MGMT: variants seen among roughly 807,000 people sequenced by gnomAD.
The protein encoded by MGMT is methylated-DNA--protein-cysteine methyltransferase.
A neutral mutation model predicts 15.9 loss-of-function variants in MGMT; 14 were observed. The ratio of observed to expected loss-of-function variants is 0.88; its 90% CI spans 0.58 to 1.37. The LOEUF is 1.37. Ranked by LOEUF, MGMT falls within the 40% of genes most tolerant of loss-of-function variation. The probability of loss-of-function intolerance (pLI) is 0.00; values close to 1 mark genes in which losing one functional copy is unlikely to be tolerated. For missense variants in MGMT, 282 were observed against 268.1 expected (o/e 1.05, Z -0.36); for synonymous variants, 130 against 118.2 (o/e 1.10, Z -0.65).
At chr10:129,643,866 A>G (rs1378291644) in intron 2 of MGMT, among the ~76,000 whole-genome samples, 2 of 152,100 alleles carry the variant, frequency 1.3e-5, no homozygotes, top group Non-Finnish European at 2.9e-5. Flanking sequence ...TGAAACCCAA[A>G]TCTTGACCTT....
chr10:129,470,201 G>A (rs939238536), intron 1 of MGMT, among the ~76,000 whole-genome samples: 3 of 152,154 alleles, frequency 2.0e-5, no homozygotes, highest in African/African-American at 7.2e-5. Flanking sequence ...CTGTGCAGGA[G>A]GGTCCTTGGT....
chr10:129,700,969 C>T (rs1361376898), intron 2 of MGMT: 1 of 152,262 alleles, frequency 6.6e-6, no homozygotes, highest in Non-Finnish European at 1.5e-5. Context: ...GTCTGCTGCT[C>T]TGCCCTTCAG....
intron 2 of MGMT, among the ~76,000 whole-genome samples, chr10:129,606,447 C>G (rs919856190): frequency 1.3e-5 from 2 of 152,328 alleles, no homozygotes; most frequent in South Asian, 4.1e-4. Flanking sequence ...GGGAGCAAAG[C>G]GTGCAGCGGG....
At chr10:129,703,481 A>G (rs182166249) in intron 2 of MGMT, among the ~76,000 whole-genome samples, 36 of 152,250 alleles carry the variant, frequency 2.4e-4, no homozygotes, top group African/African-American at 8.7e-4. Context: ...CCTCTCCCAC[A>G]GTGTACCCTC....
intron 3 of MGMT, among the ~76,000 whole-genome samples, chr10:129,716,931 C>G (rs547964511): frequency 3.3e-5 from 5 of 152,284 alleles, no homozygotes; most frequent in African/African-American, 1.2e-4. Context: ...TAATATTCAA[C>G]TGAGCATATT....
intron 2 of MGMT, among the ~76,000 whole-genome samples, chr10:129,706,384 T>G (rs1358964463): frequency 6.6e-6 from 1 of 152,132 alleles, no homozygotes; most frequent in East Asian, 1.9e-4. Flanking sequence ...CAGAGCAGCA[T>G]GGGTGTGTCG....
intron 2 of MGMT, among the ~76,000 whole-genome samples, chr10:129,667,397 G>C (rs1273343870): frequency 1.3e-5 from 2 of 152,050 alleles, no homozygotes; most frequent in African/African-American, 4.8e-5. Flanking sequence ...CTTTATTGCA[G>C]GCTCCTTTAA....
intron 3 of MGMT, among the ~76,000 whole-genome samples, chr10:129,739,680 C>T (rs765815364): frequency 6.6e-6 from 1 of 152,144 alleles, no homozygotes; most frequent in Non-Finnish European, 1.5e-5. Flanking sequence ...CCAAGCTTGT[C>T]CAATCCTCAG....
At chr10:129,467,718 A>C (rs1170845705) in intron 1 of MGMT, among the ~76,000 whole-genome samples, 1 of 152,166 alleles carries the variant, frequency 6.6e-6, no homozygotes, top group Admixed American at 6.5e-5. Flanking sequence ...GCAGAGTCCC[A>C]TATTTCCTTC....
intron 2 of MGMT, among the ~76,000 whole-genome samples, chr10:129,573,239 T>C (rs1004863413): frequency 1.3e-5 from 2 of 152,216 alleles, no homozygotes. Flanking sequence ...ATTTTGATTT[T>C]GCCCAGGGAA....
At chr10:129,492,452 T>C (rs1845478497) in intron 1 of MGMT, among the ~76,000 whole-genome samples, 1 of 152,222 alleles carries the variant, frequency 6.6e-6, no homozygotes, top group African/African-American at 2.4e-5. Flanking sequence ...TAAGTGCTAT[T>C]AGATTAAGGG....
chr10:129,626,051 T>C (rs1847144972), intron 2 of MGMT, among the ~76,000 whole-genome samples: 1 of 152,226 alleles, frequency 6.6e-6, no homozygotes, highest in Non-Finnish European at 1.5e-5. Flanking sequence ...TAGGGGAACC[T>C]GAGGCTGCCT....
chr10:129,621,641 G>T (rs1847091984), intron 2 of MGMT, among the ~76,000 whole-genome samples: 1 of 152,194 alleles, frequency 6.6e-6, no homozygotes, highest in Non-Finnish European at 1.5e-5. Flanking sequence ...AGGAGCGGAG[G>T]TGTTAAGAAG....
At chr10:129,622,185 A>T (rs1465530778) in intron 2 of MGMT, among the ~76,000 whole-genome samples, 1 of 152,206 alleles carries the variant, frequency 6.6e-6, no homozygotes, top group East Asian at 1.9e-4. Context: ...TCTCAAGGAT[A>T]AGATGCTGAT....
intron 1 of MGMT, among the ~76,000 whole-genome samples, chr10:129,494,692 G>A (rs991493963): frequency 6.6e-6 from 1 of 152,174 alleles, no homozygotes. Context: ...ATTTAAATAA[G>A]TAGCCACATG....
At chr10:129,643,234 G>A (rs1589910799) in intron 2 of MGMT, among the ~76,000 whole-genome samples, 1 of 152,194 alleles carries the variant, frequency 6.6e-6, no homozygotes, top group Non-Finnish European at 1.5e-5. Flanking sequence ...AGGCTGTGGG[G>A]TGGGAGGAGG....
chr10:129,539,646 A>G (rs1171468324), intron 2 of MGMT, among the ~76,000 whole-genome samples: 1 of 152,064 alleles, frequency 6.6e-6, no homozygotes, highest in Admixed American at 6.6e-5. Context: ...AGCTGAGACT[A>G]CAGGCGCCTG....
At chr10:129,507,750 C>T (rs142643821) in intron 1 of MGMT, among the ~76,000 whole-genome samples, 35 of 152,306 alleles carry the variant, frequency 2.3e-4, no homozygotes, top group East Asian at 5.8e-4. Context: ...TATTTCTTCG[C>T]GCACTGCTGT....
In MGMT at chr10:129,532,254, C is replaced by G. The variant is rs1318771091; in HGVS notation, c.-12-3987C>G. Among the ~76,000 whole-genome samples, 1 of 152,198 alleles carries G rather than the reference C, an allele frequency of 6.6e-6. No individual in the cohort carries two copies. Among genetic ancestry groups the G allele is most frequent in the African/African-American group, 2.4e-5 (1 of 41,468 alleles). ...CGGGGATATGCCAGAGCTTTAGGGT[C>G]CCTTGGGCCAGCAGCTGGGGTCCTT... On this transcript the variant is annotated intron_variant, in intron 1 of 4. Transcript: ENST00000651593. This position sits in a 1 kb window ranked among gnomAD's most constrained non-coding sequence, Gnocchi z 5.3.
Sources: allele counts gnomAD v4.1 joint callset (sites outside exome capture counted in the v4.1 genomes callset), GRCh38; gene constraint gnomAD v4.1.1; non-coding constraint Gnocchi (gnomAD v3.1); transcripts MANE v1.5; gene names NCBI Gene and HGNC (gene_info 2026-07-23, HGNC 2026-07-21).